AFDN: variants seen among roughly 807,000 people sequenced by gnomAD.
AFDN encodes the protein afadin.
In AFDN, 68 loss-of-function variants were observed where a neutral mutation model predicts 216.6. That is an observed-to-expected ratio of 0.31 (90% CI 0.26 to 0.38). The LOEUF (loss-of-function observed/expected upper bound fraction) is 0.38. Among genes scored for constraint, AFDN ranks in the 10% least tolerant of loss-of-function variants. The probability of loss-of-function intolerance (pLI) is 1.00; values close to 1 mark genes in which losing one functional copy is unlikely to be tolerated. For missense variants in AFDN, 2,136 were observed against 2,342.0 expected, an observed-to-expected ratio of 0.91 and a Z score of 1.82; for synonymous variants, 868 against 853.7, an observed-to-expected ratio of 1.02 and a Z score of -0.29.
chr6:167,894,945 A>G (rs1483232027), intron 9 of AFDN, among the ~76,000 whole-genome samples: 4 of 152,170 alleles, frequency 2.6e-5, no homozygotes. Context: ...TGTTTCACAC[A>G]TGATTACTTA....
chr6:167,898,604 C>G, intron 11 of AFDN, 137 bp downstream of exon 11: 1 of 1,021,814 alleles, frequency 9.8e-7, no homozygotes, highest in East Asian at 2.6e-5. Flanking sequence ...ATTTTGGTTC[C>G]TATTGTTAAC....
At chr6:167,876,177 C>T (rs972159967) in intron 5 of AFDN, among the ~76,000 whole-genome samples, 2 of 152,266 alleles carry the variant, frequency 1.3e-5, no homozygotes, top group Admixed American at 6.5e-5. Flanking sequence ...TCCAGACAGC[C>T]ACCGTCTGGG....
At position 167,913,053 on chromosome 6, in the gene AFDN, A is replaced by G. The variant is rs116084643; in HGVS notation, c.2038-350A>G. Among the ~76,000 whole-genome samples the G allele has an allele frequency of 5.7e-3, 872 of 152,254 alleles. 9 individuals are homozygous for G. The highest frequency in any genetic ancestry group is 0.02 in the African/African-American group (810 of 41,532). On this transcript the variant is annotated intron_variant, in intron 15 of 33. Coordinates refer to ENST00000683244, the MANE Select transcript of AFDN (RefSeq NM_001386888.1). Reference sequence around the variant, plus strand: ...TACCTTTTAAGTAAGTAGTAAGCACACCATATCACTGAAAGATGTTCGTTC... The same window carrying G: ...TACCTTTTAAGTAAGTAGTAAGCACGCCATATCACTGAAAGATGTTCGTTC...
chr6:167,863,686 A>G (rs931014058), intron 1 of AFDN: 1 of 459,704 alleles, frequency 2.2e-6, no homozygotes, highest in East Asian at 5.7e-5. Context: ...TTCTGTGTGC[A>G]AGGAAATAAT....
intron 21 of AFDN, among the ~76,000 whole-genome samples, chr6:167,921,166 A>G (rs1159220688): frequency 1.3e-5 from 2 of 152,254 alleles, no homozygotes; most frequent in Admixed American, 6.5e-5. Flanking sequence ...GCAAATGCGT[A>G]TAGTTTATAG....
Position 167,898,259 on chromosome 6 carries a change from G to A in AFDN, c.1372G>A (p.Val458Met), listed in dbSNP as rs1788522971. 1 of 1,614,048 alleles carries A rather than the reference G, an allele frequency of 6.2e-7. No individual in the cohort carries two copies. The highest frequency in any genetic ancestry group is 1.1e-5 in the South Asian group (1 of 91,084). Reference protein sequence around the residue: ...HHCDLTNMDGVVTVTPRSMDA... With the variant: ...HHCDLTNMDGMVTVTPRSMDA... Reference sequence around the variant, plus strand: ...CTGTGACCTTACCAACATGGATGGAGTGGTCACTGTGACGCCCAGAAGTAT... The same window carrying A: ...CTGTGACCTTACCAACATGGATGGAATGGTCACTGTGACGCCCAGAAGTAT... Residue 458 changes from valine to methionine, a missense_variant, in exon 11 of 34, where the codon GTG becomes ATG. By Grantham distance (21) the Val-to-Met change is conservative. Around this residue, in one of 8 missense-constraint regions of AFDN, gnomAD observed 817 missense variants for 965.7 expected, o/e 0.85. Transcript: ENST00000683244.
intron 2 of AFDN, among the ~76,000 whole-genome samples, chr6:167,868,943 T>C (rs1784502528): frequency 7.2e-6 from 1 of 139,130 alleles, no homozygotes; most frequent in African/African-American, 2.5e-5. Flanking sequence ...CTTCTTCTTC[T>C]TTTTTTTTTT....
intron 1 of AFDN, among the ~76,000 whole-genome samples, chr6:167,837,870 A>T: frequency 6.6e-6 from 1 of 152,232 alleles, no homozygotes; most frequent in East Asian, 1.9e-4. Flanking sequence ...TAGGAAAATA[A>T]TATCCAAGTA....
In AFDN at chr6:167,970,278, T is replaced by G. The variant is rs144052566; in HGVS notation, c.*343T>G. 45 of 283,844 alleles carry G rather than the reference T, an allele frequency of 1.6e-4. No homozygotes were observed. Among genetic ancestry groups the G allele is most frequent in the African/African-American group, 9.6e-4 (44 of 45,860 alleles). The allele number at this position is 283,844 out of a possible 1,614,324, so 17.6% of individuals were successfully genotyped here. A position where few individuals can be genotyped will look rare whatever the true frequency, so the allele number is the denominator to read the frequency against. ...AATGGATGTGTCTTCTCTCCCATCT[T>G]CCCCTCATCATCGACCGAGGAGCAC... On this transcript the variant is annotated 3_prime_UTR_variant, in exon 34 of 34. Coordinates refer to ENST00000683244, the MANE Select transcript of AFDN (RefSeq NM_001386888.1).
rs748064310 is a variant in AFDN at position 167,914,746 on chromosome 6, T to A, written c.2299+8T>A. On this transcript the variant is annotated splice_region_variant and intron_variant, in intron 18 of 33. Transcript: ENST00000683244. ...TGCAACGACCAAAAATAGGTTAGGA[T>A]GTTTTCTGACTGTCTCCCTCTATCC... 7 of 1,580,776 alleles carry A rather than the reference T, an allele frequency of 4.4e-6. No homozygotes were observed. The South Asian group carries it at 4.4e-5, about 10-fold the overall frequency.
chr6:167,842,164 A>G (rs1364443033), intron 1 of AFDN, among the ~76,000 whole-genome samples: 3 of 152,150 alleles, frequency 2.0e-5, no homozygotes, highest in African/African-American at 7.2e-5. Flanking sequence ...AAACACTGCT[A>G]GAACTGCCTT....
rs1282565618 is a variant in AFDN at position 167,951,900 on chromosome 6, G to A, written c.4546G>A (p.Asp1516Asn). 1.2e-6 allele frequency: 2 copies of A among 1,613,770 alleles called. No homozygotes were observed. Among genetic ancestry groups the A allele is most frequent in the Non-Finnish European group, 1.7e-6 (2 of 1,179,920 alleles). ...CAGCAAAGAGGAGCTTTCCTCGGGGGACAGTCTGTCCCCCGACCCGTGGAA... is the reference window on the plus strand; with the variant it reads ...CAGCAAAGAGGAGCTTTCCTCGGGGAACAGTCTGTCCCCCGACCCGTGGAA... The part of the protein sequence containing the change: ...TVSKEELSSG[D>N]SLSPDPWKRD... The change falls in exon 30 of 34, where the codon GAC becomes AAC. Residue 1516 changes from aspartate (D) to asparagine (N), a missense_variant. Asp to Asn is a conservative substitution (Grantham distance 23). This residue lies in a region of AFDN where 981 missense variants were observed against 966.0 expected (regional missense o/e 1.02). Coordinates refer to ENST00000683244, the MANE Select transcript of AFDN (RefSeq NM_001386888.1). The surrounding 1 kb of genome is among the most constrained non-coding windows in gnomAD (Gnocchi z 7.1).
intron 2 of AFDN, among the ~76,000 whole-genome samples, chr6:167,869,201 G>A (rs1307675157): frequency 2.6e-5 from 4 of 152,020 alleles, no homozygotes; most frequent in African/African-American, 7.3e-5. Context: ...AGCTGGACAG[G>A]GAGTGATGTT....
chr6:167,827,871 G>GAGGCGCCGGCCCC (rs1334409491), intron 1 of AFDN: 1 of 152,220 alleles, frequency 6.6e-6, no homozygotes. Context: ...TGCCCGGAGG[G>GAGGCGCCGGCCCC]AGGCGCCGGC....
intron 9 of AFDN, among the ~76,000 whole-genome samples, chr6:167,895,147 C>T (rs1212043538): frequency 2.0e-5 from 3 of 151,382 alleles, no homozygotes; most frequent in Non-Finnish European, 4.4e-5. Flanking sequence ...ACCTAGCCAC[C>T]AGGGAGCTCA....
At chr6:167,919,320 G>A (rs148375612) in intron 21 of AFDN, among the ~76,000 whole-genome samples, 25 of 152,372 alleles carry the variant, frequency 1.6e-4, no homozygotes, top group African/African-American at 5.3e-4. Flanking sequence ...GCAGTTAAGA[G>A]CAACACAAGC....
At chr6:167,917,926 G>A (rs78641784) in intron 20 of AFDN, among the ~76,000 whole-genome samples, 16,263 of 152,198 alleles carry the variant, frequency 0.11, 1,021 homozygotes, top group South Asian at 0.22. Context: ...ATGACATAAT[G>A]TGAAAAAAGG....
intron 23 of AFDN, among the ~76,000 whole-genome samples, chr6:167,927,358 A>G (rs2128529210): frequency 6.6e-6 from 1 of 152,232 alleles, no homozygotes; most frequent in East Asian, 1.9e-4. Context: ...ATAAGGTGAG[A>G]CCTGTGCGAT....
At chr6:167,891,440 T>G in intron 8 of AFDN, among the ~76,000 whole-genome samples, 1 of 150,214 alleles carries the variant, frequency 6.7e-6, no homozygotes, top group South Asian at 2.1e-4. Flanking sequence ...TGTGTGTGTG[T>G]GTGTGTGTGT....
Sources: allele counts gnomAD v4.1 joint callset (sites outside exome capture counted in the v4.1 genomes callset), GRCh38; gene constraint gnomAD v4.1.1; regional missense constraint gnomAD v4.1.1; non-coding constraint Gnocchi (gnomAD v3.1); transcripts MANE v1.5; gene names NCBI Gene and HGNC (gene_info 2026-07-23, HGNC 2026-07-21).